Variants in AP1B1 observed in about 807,000 individuals in gnomAD.
AP1B1 encodes AP-1 complex subunit beta-1.
AP1B1 carries 36 observed loss-of-function variants against 104.3 expected under a neutral mutation model. The observed-to-expected ratio is 0.35, with a 90% CI of 0.26 to 0.46. The LOEUF is 0.46. AP1B1 is among the 20% of genes least tolerant of loss of function. The pLI, the probability that AP1B1 is intolerant of heterozygous loss-of-function variation, is 1.00. For missense variants in AP1B1, 901 were observed against 1,247.9 expected (o/e 0.72, Z 4.19); for synonymous variants, 504 against 517.5 (o/e 0.97, Z 0.35).
intron 1 of AP1B1, among the ~76,000 whole-genome samples, chr22:29,373,264 C>T (rs574188149): frequency 3.3e-4 from 50 of 151,540 alleles, no homozygotes; most frequent in African/African-American, 1.1e-3. Flanking sequence ...AGAGTGAGAC[C>T]GTGTCTCAAA....
At chr22:29,331,250 G>C (rs1261847882) in intron 19 of AP1B1, among the ~76,000 whole-genome samples, 199 bp downstream of exon 19, 1 of 152,144 alleles carries the variant, frequency 6.6e-6, no homozygotes, top group African/African-American at 2.4e-5. Flanking sequence ...CAGCCCACCT[G>C]CCAGACCAGA....
intron 1 of AP1B1, among the ~76,000 whole-genome samples, chr22:29,386,275 C>T (rs2062520946): frequency 2.0e-5 from 3 of 152,236 alleles, no homozygotes; most frequent in Admixed American, 2.0e-4. Flanking sequence ...TGCCAGGAAG[C>T]TGCTGAGCTG....
chr22:29,340,546 C>CTA, intron 14 of AP1B1, 110 bp downstream of exon 14: 1 of 1,162,662 alleles, frequency 8.6e-7, no homozygotes, highest in South Asian at 1.6e-5. Context: ...GGTAAGGACT[C>CTA]TATATAATGT....
intron 11 of AP1B1, among the ~76,000 whole-genome samples, chr22:29,342,645 T>C: frequency 6.6e-6 from 1 of 152,222 alleles, no homozygotes; most frequent in Non-Finnish European, 1.5e-5. Flanking sequence ...CAGGGGCCGC[T>C]GCCCAGCCCT....
chr22:29,350,883 C>T (rs1314279431), intron 9 of AP1B1, among the ~76,000 whole-genome samples: 1 of 152,186 alleles, frequency 6.6e-6, no homozygotes, highest in Non-Finnish European at 1.5e-5. Context: ...GAAGTGAATG[C>T]TAAGTCCATT....
At chr22:29,353,819 G>A (rs927529546) in intron 7 of AP1B1, among the ~76,000 whole-genome samples, 1 of 152,090 alleles carries the variant, frequency 6.6e-6, no homozygotes, top group African/African-American at 2.4e-5. Context: ...AAGTCCCCAC[G>A]AATGATCAAT....
intron 16 of AP1B1, among the ~76,000 whole-genome samples, chr22:29,336,027 C>T (rs2061632940): frequency 6.6e-6 from 1 of 152,228 alleles, no homozygotes; most frequent in Non-Finnish European, 1.5e-5. Flanking sequence ...GCAGACCGCA[C>T]TGCTCTTGGT....
chr22:29,369,577 G>A (rs564061471), intron 1 of AP1B1, among the ~76,000 whole-genome samples: 8 of 152,346 alleles, frequency 5.3e-5, no homozygotes, highest in African/African-American at 1.4e-4. Flanking sequence ...TAAACTTGCT[G>A]GTCCTCCCAG....
At chr22:29,356,403 C>T in intron 6 of AP1B1, 23 bp downstream of exon 6, 1 of 1,593,380 alleles carries the variant, frequency 6.3e-7, no homozygotes. Flanking sequence ...GCTGGGCTGG[C>T]AAGCAACGGG....
At chr22:29,359,754 C>T in intron 4 of AP1B1, 70 bp downstream of exon 4, 1 of 1,551,398 alleles carries the variant, frequency 6.4e-7, no homozygotes, top group Non-Finnish European at 8.7e-7. Context: ...AGGGCCCCGC[C>T]CCAAAGAGAC....
At position 29,341,424 on chromosome 22, in the gene AP1B1, C is replaced by T. The variant is rs73156528; in HGVS notation, c.1796+77G>A. On this transcript the variant is annotated intron_variant, in intron 13 of 22. Transcript: ENST00000357586. ...TCAGGTCTTGCTGGGGGACAACACG[C>T]CAGGCCTGAGTGCCTGTGCTGCTAA... is the stretch of plus-strand genomic sequence containing the variant. 1.8e-3 allele frequency: 2,721 copies of T among 1,549,176 alleles called. 6 individuals carry two copies. Among genetic ancestry groups the T allele is most frequent in the South Asian group, 4.8e-3 (397 of 82,120 alleles).
chr22:29,375,891 T>G (rs552243445), intron 1 of AP1B1, among the ~76,000 whole-genome samples: 14 of 152,300 alleles, frequency 9.2e-5, no homozygotes, highest in Admixed American at 3.3e-4. Flanking sequence ...TGCCTACCTC[T>G]CCCCATCCTC....
At chr22:29,360,058 G>A (rs2062020708) in intron 3 of AP1B1, 99 bp from the exon 4 acceptor site, 1 of 1,334,634 alleles carries the variant, frequency 7.5e-7, no homozygotes, top group Non-Finnish European at 1.0e-6. Flanking sequence ...GTGGGTAGGA[G>A]AGAAAGGAGA....
In AP1B1 at chr22:29,328,778, C is replaced by T. The variant is rs766482157; in HGVS notation, c.*43G>A. 20 of 1,581,616 alleles carry T rather than the reference C, an allele frequency of 1.3e-5. No homozygotes were observed. The highest frequency in any genetic ancestry group is 5.6e-5 in the Admixed American group (3 of 53,742). On this transcript the variant is annotated 3_prime_UTR_variant, in exon 23 of 23. Transcript: ENST00000357586. The surrounding 1 kb of genome is among the most constrained non-coding windows in gnomAD (Gnocchi z 4.1). The stretch of plus-strand genomic sequence containing the variant: ...ATGTGCTGCCCCCGAGGGGCCTCCT[C>T]GATGGGGCGGGCAGAAGGCTGGGGT...
At chr22:29,347,790 C>T (rs715589) in intron 11 of AP1B1, among the ~76,000 whole-genome samples, 28,688 of 152,120 alleles carry the variant, frequency 0.19, 2,943 homozygotes, top group East Asian at 0.36. Context: ...ACCTCCACAA[C>T]AGGAATCTGG....
chr22:29,384,616 C>T (rs1010776820), intron 1 of AP1B1, among the ~76,000 whole-genome samples: 2 of 152,106 alleles, frequency 1.3e-5, no homozygotes, highest in African/African-American at 4.8e-5. Flanking sequence ...ACCTGTAATC[C>T]CAGCACTTTG....
chr22:29,351,297 G>A (rs1437227097), intron 8 of AP1B1, 31 bp from the exon 9 acceptor site: 33 of 1,606,940 alleles, frequency 2.1e-5, no homozygotes, highest in Non-Finnish European at 2.5e-5. Context: ...ATGGGGCTGG[G>A]GCACCTGATG....
chr22:29,387,419 T>G (rs958160924), intron 1 of AP1B1, among the ~76,000 whole-genome samples: 1 of 151,258 alleles, frequency 6.6e-6, no homozygotes, highest in Admixed American at 6.6e-5. Context: ...GCGATTCTCC[T>G]GCCTCAGCCT....
At chr22:29,378,439 G>C (rs2062381005) in intron 1 of AP1B1, among the ~76,000 whole-genome samples, 2 of 150,830 alleles carry the variant, frequency 1.3e-5, no homozygotes, top group African/African-American at 4.9e-5. Flanking sequence ...TGTAGTATCA[G>C]CTACTCAGGA....
Sources: allele counts gnomAD v4.1 joint callset (sites outside exome capture counted in the v4.1 genomes callset), GRCh38; gene constraint gnomAD v4.1.1; non-coding constraint Gnocchi (gnomAD v3.1); transcripts MANE v1.5; gene names NCBI Gene and HGNC (gene_info 2026-07-23, HGNC 2026-07-21).